PARVB: variants seen among roughly 807,000 people sequenced by gnomAD.
PARVB encodes beta-parvin.
A neutral mutation model predicts 47.0 loss-of-function variants in PARVB; 46 were observed. The observed-to-expected ratio is 0.98, with a 90% CI of 0.77 to 1.25. PARVB has a LOEUF of 1.25. Ranked by LOEUF, PARVB falls within the 50% of genes most tolerant of loss-of-function variation. The pLI is 0.00. For missense variants in PARVB, 473 were observed against 471.6 expected (o/e 1.00, Z -0.03); for synonymous variants, 196 against 196.3 (o/e 1.00, Z 0.01).
chr22:44,046,518 C>A (rs1216331864), intron 1 of PARVB, among the ~76,000 whole-genome samples: 2 of 152,198 alleles, frequency 1.3e-5, no homozygotes, highest in Non-Finnish European at 2.9e-5. Context: ...CCTGAGGGGG[C>A]CTACAGTTGG....
chr22:44,085,523 C>T lies in PARVB; in HGVS notation c.113-8405C>T, dbSNP rs550354728. Among the ~76,000 whole-genome samples, 39 of 152,222 alleles carry T rather than the reference C, an allele frequency of 2.6e-4. No individual in the cohort carries two copies. In the South Asian group the frequency reaches 8.1e-3, roughly 32 times the overall value. On this transcript the variant is annotated intron_variant, in intron 1 of 12. Transcript: ENST00000338758. Reference sequence around the variant, plus strand: ...TTTTGCCTTGTTGCCCCGCTGGTCTCGAACTCCTGAGCTCAAGCCATCCAC... The same window carrying T: ...TTTTGCCTTGTTGCCCCGCTGGTCTTGAACTCCTGAGCTCAAGCCATCCAC...
At chr22:44,151,715 C>G in intron 10 of PARVB, 164 bp downstream of exon 10, 1 of 599,018 alleles carries the variant, frequency 1.7e-6, no homozygotes, top group East Asian at 2.9e-5. Context: ...CTCAGCCCCT[C>G]TGTCTTCCTT....
At chr22:44,079,126 C>T (rs547078264) in intron 1 of PARVB, among the ~76,000 whole-genome samples, 8 of 152,334 alleles carry the variant, frequency 5.3e-5, no homozygotes, top group Non-Finnish European at 7.3e-5. Context: ...CAACGTTTCC[C>T]GCAATGTGTG....
intron 1 of PARVB, among the ~76,000 whole-genome samples, chr22:44,055,849 C>G (rs528750849): frequency 1.3e-5 from 2 of 152,194 alleles, no homozygotes; most frequent in Non-Finnish European, 2.9e-5. Flanking sequence ...CCCTGCCTTT[C>G]GGTCTATTCA....
chr22:44,148,246 C>A, intron 9 of PARVB: 1 of 383,374 alleles, frequency 2.6e-6, no homozygotes, highest in South Asian at 2.2e-5. Flanking sequence ...GCTGCTCTCG[C>A]TGGCCTCATT....
intron 2 of PARVB, among the ~76,000 whole-genome samples, chr22:44,005,677 C>T (rs2050457393): frequency 6.6e-6 from 1 of 152,132 alleles, no homozygotes; most frequent in African/African-American, 2.4e-5. Flanking sequence ...CTCAACCCTC[C>T]CACCTTTCCA....
intron 1 of PARVB, among the ~76,000 whole-genome samples, chr22:44,076,248 G>A (rs2051770711): frequency 6.6e-6 from 1 of 152,224 alleles, no homozygotes; most frequent in Non-Finnish European, 1.5e-5. Context: ...GGACTCCATG[G>A]CCGCTGATTT....
intron 1 of PARVB, among the ~76,000 whole-genome samples, chr22:44,032,853 C>T (rs2050849498): frequency 6.6e-6 from 1 of 152,216 alleles, no homozygotes; most frequent in East Asian, 1.9e-4. Context: ...AGCCACACTA[C>T]CAGTGTGTAT....
intron 1 of PARVB, among the ~76,000 whole-genome samples, chr22:44,076,003 G>A (rs1482793185): frequency 6.6e-6 from 1 of 152,248 alleles, no homozygotes; most frequent in African/African-American, 2.4e-5. Flanking sequence ...TGATGGCCGT[G>A]GGGCAGGGGA....
chr22:44,113,453 A>G (rs868214288), intron 3 of PARVB: 2 of 62,022 alleles, frequency 3.2e-5, no homozygotes, highest in Admixed American at 1.5e-4. Flanking sequence ...ACACAGATAC[A>G]TTGTTACTAA....
intron 7 of PARVB, among the ~76,000 whole-genome samples, chr22:44,137,056 C>A (rs945396318): frequency 1.3e-5 from 2 of 152,240 alleles, no homozygotes; most frequent in Admixed American, 1.3e-4. Context: ...TTGTGATAAC[C>A]TGCTAAGAAT....
chr22:44,133,204 T>G (rs774468248), intron 6 of PARVB, among the ~76,000 whole-genome samples, 195 bp downstream of exon 6: 1 of 152,086 alleles, frequency 6.6e-6, no homozygotes, highest in Non-Finnish European at 1.5e-5. Context: ...ATTGATTTGA[T>G]GAGAGGCAGA....
intron 3 of PARVB, chr22:44,108,659 G>A (rs1177785634): frequency 1.3e-5 from 2 of 152,126 alleles, no homozygotes; most frequent in Non-Finnish European, 2.9e-5. Flanking sequence ...GTTCTCTGGT[G>A]GGCAGGGGTG....
At chr22:44,092,639 C>T (rs1009849669) in intron 1 of PARVB, among the ~76,000 whole-genome samples, 8 of 152,082 alleles carry the variant, frequency 5.3e-5, no homozygotes, top group Admixed American at 2.0e-4. Flanking sequence ...CTGGACTGGA[C>T]GCTCAACATT....
At chr22:44,147,552 C>A in intron 8 of PARVB, 1 of 474,716 alleles carries the variant, frequency 2.1e-6, no homozygotes, top group South Asian at 1.8e-5. Context: ...TAGGACGTGG[C>A]AGGTGCAGAT....
chr22:44,084,310 G>A (rs941048796), intron 1 of PARVB, among the ~76,000 whole-genome samples: 17 of 152,344 alleles, frequency 1.1e-4, no homozygotes, highest in Admixed American at 8.5e-4. Flanking sequence ...TACAAGGCCC[G>A]AGCATGGTGG....
intron 1 of PARVB, among the ~76,000 whole-genome samples, chr22:44,048,809 C>A (rs936266855): frequency 6.6e-6 from 1 of 152,154 alleles, no homozygotes; most frequent in Non-Finnish European, 1.5e-5. Flanking sequence ...ATCCGCCTGC[C>A]TCGGCCTCTC....
chr22:44,002,097 C>G (rs2050418947), intron 2 of PARVB, among the ~76,000 whole-genome samples: 1 of 152,226 alleles, frequency 6.6e-6, no homozygotes, highest in South Asian at 2.1e-4. Context: ...GGCACTTTCA[C>G]CCACAGCTGC....
rs564980147 is a variant in PARVB at position 44,092,297 on chromosome 22, G to A, written c.113-1631G>A. On this transcript the variant is annotated intron_variant, in intron 1 of 12. Transcript: ENST00000338758. ...AGCTAATTTTTGTATTTTTAGTAGA[G>A]ACAAGGTTCCACCATGTTGGCCAGG... Among the ~76,000 whole-genome samples the A allele has an allele frequency of 2.0e-5, 3 of 152,204 alleles. No homozygotes were observed. In the South Asian group the frequency reaches 6.2e-4, roughly 32 times the overall value.
Sources: allele counts gnomAD v4.1 joint callset (sites outside exome capture counted in the v4.1 genomes callset), GRCh38; gene constraint gnomAD v4.1.1; transcripts MANE v1.5; gene names NCBI Gene and HGNC (gene_info 2026-07-23, HGNC 2026-07-21).